EYA4: variants seen among roughly 807,000 people sequenced by gnomAD.
The protein encoded by EYA4 is EYA transcriptional coactivator and phosphatase 4, also known as protein phosphatase EYA4.
In EYA4, 31 loss-of-function variants were observed where a neutral mutation model predicts 87.9. The ratio of observed to expected loss-of-function variants is 0.35; its 90% CI spans 0.27 to 0.48. The LOEUF is 0.48. EYA4 is among the 20% of genes least tolerant of loss of function. The pLI is 0.99. For missense variants in EYA4, 678 were observed against 761.4 expected, an observed-to-expected ratio of 0.89 and a Z score of 1.29; for synonymous variants, 263 against 270.6, an observed-to-expected ratio of 0.97 and a Z score of 0.28.
chr6:133,493,238 TA>T (rs1326506128), intron 13 of EYA4, among the ~76,000 whole-genome samples: 2 of 152,098 alleles, frequency 1.3e-5, no homozygotes, highest in Non-Finnish European at 2.9e-5. Flanking sequence ...GGTACTGTCA[TA>T]AAAACAGACA....
At chr6:133,481,890 A>G (rs1343973964) in intron 12 of EYA4, among the ~76,000 whole-genome samples, 1 of 152,218 alleles carries the variant, frequency 6.6e-6, no homozygotes, top group Non-Finnish European at 1.5e-5. Context: ...TTTTAAAACT[A>G]TAGCCATTGT....
In EYA4 at chr6:133,299,572, T is replaced by C. The variant is rs536077201; in HGVS notation, c.33+24759T>C. On this transcript the variant is annotated intron_variant, in intron 2 of 19. Transcript: ENST00000355286. ...TAAAAATACACAAAAATTAGCCAGG[T>C]GTAGTGGCGGGCGCCTGTGGTCCCA... Among the ~76,000 whole-genome samples the C allele has an allele frequency of 3.2e-3, 481 of 151,564 alleles. 2 individuals are homozygous for C. Among genetic ancestry groups the C allele is most frequent in the African/African-American group, 9.4e-3 (388 of 41,280 alleles).
At chr6:133,343,269 G>T (rs1174877453) in intron 2 of EYA4, among the ~76,000 whole-genome samples, 3 of 152,140 alleles carry the variant, frequency 2.0e-5, no homozygotes, top group Non-Finnish European at 4.4e-5. Flanking sequence ...CTCCTCAACT[G>T]TATTTACCAG....
At chr6:133,424,840 C>T (rs1406974869) in intron 3 of EYA4, among the ~76,000 whole-genome samples, 1 of 150,796 alleles carries the variant, frequency 6.6e-6, no homozygotes, top group East Asian at 2.0e-4. Context: ...CCAGGGAGCT[C>T]CCGCCCACTC....
At chr6:133,456,753 C>A in intron 6 of EYA4, 105 bp downstream of exon 6, 1 of 730,284 alleles carries the variant, frequency 1.4e-6, no homozygotes. Flanking sequence ...GAACTTTGAT[C>A]CTTATAAAGT....
chr6:133,349,972 T>A (rs1052072716), intron 2 of EYA4, among the ~76,000 whole-genome samples: 1 of 152,152 alleles, frequency 6.6e-6, no homozygotes, highest in East Asian at 1.9e-4. Flanking sequence ...TGGTTTAAAA[T>A]GTCGTCAGAA....
chr6:133,294,062 T>TATATATATATATATATAAAAAA (rs71003632), intron 2 of EYA4, among the ~76,000 whole-genome samples: 5 of 105,160 alleles, frequency 4.8e-5, no homozygotes, highest in Non-Finnish European at 8.3e-5. Flanking sequence ...TATATATATA[T>TATATATATATATATATAAAAAA]AATTCTATTC....
chr6:133,350,301 G>A (rs1049973819), intron 2 of EYA4, among the ~76,000 whole-genome samples: 1 of 152,136 alleles, frequency 6.6e-6, no homozygotes, highest in Non-Finnish European at 1.5e-5. Flanking sequence ...AGAGAAAGGT[G>A]ACAGATAATG....
intron 19 of EYA4, among the ~76,000 whole-genome samples, chr6:133,526,258 A>C (rs1192806936): frequency 1.3e-5 from 2 of 152,208 alleles, no homozygotes; most frequent in African/African-American, 4.8e-5. Context: ...TAGTATTTTT[A>C]AAACAATGAC....
At chr6:133,333,954 C>T (rs1431691667) in intron 2 of EYA4, among the ~76,000 whole-genome samples, 1 of 152,050 alleles carries the variant, frequency 6.6e-6, no homozygotes, top group Non-Finnish European at 1.5e-5. Flanking sequence ...TCTATGTATA[C>T]TAAGGAAATC....
At chr6:133,478,618 A>G (rs1401815526) in intron 11 of EYA4, among the ~76,000 whole-genome samples, 26 of 152,218 alleles carry the variant, frequency 1.7e-4, no homozygotes, top group Admixed American at 1.7e-3. Flanking sequence ...GAATAAATGT[A>G]GAGTTACCCT....
At chr6:133,420,480 C>T (rs201384894) in intron 3 of EYA4, among the ~76,000 whole-genome samples, 1 of 152,208 alleles carries the variant, frequency 6.6e-6, no homozygotes, top group East Asian at 1.9e-4. Flanking sequence ...TGGTTTCATA[C>T]ATGAAAGCCT....
intron 3 of EYA4, among the ~76,000 whole-genome samples, chr6:133,439,842 T>C (rs955417550): frequency 3.1e-4 from 47 of 152,198 alleles, no homozygotes; most frequent in Non-Finnish European, 5.7e-4. Flanking sequence ...AAAGAGTATC[T>C]GGTGTGGCCC....
In EYA4 at chr6:133,348,261, G is replaced by GTTT. The variant is rs35905853; in HGVS notation, c.34-34104_34-34102dup. On this transcript the variant is annotated intron_variant, in intron 2 of 19. Coordinates refer to ENST00000355286, the MANE Select transcript of EYA4 (RefSeq NM_004100.5). ...ATCTTCCTCCTCATCTCTTCAAGTA[G>GTTT]TTTTTTTTTTTTTTTTTTTTTTTTT... Among the ~76,000 whole-genome samples, 34 of 68,782 alleles carry GTTT rather than the reference G, an allele frequency of 4.9e-4. 5 individuals carry two copies. Among genetic ancestry groups the GTTT allele is most frequent in the Middle Eastern group, 0.01 (1 of 96 alleles). The allele number at this position is 68,782 out of a possible 152,430, so 45.1% of individuals were successfully genotyped here. A position where few individuals can be genotyped will look rare whatever the true frequency, so the allele number is the denominator to read the frequency against.
intron 3 of EYA4, among the ~76,000 whole-genome samples, chr6:133,441,542 T>C (rs1792294511): frequency 6.6e-6 from 1 of 152,218 alleles, no homozygotes; most frequent in Non-Finnish European, 1.5e-5. Flanking sequence ...TTCTTACCCC[T>C]GAGGCACATA....
intron 2 of EYA4, among the ~76,000 whole-genome samples, chr6:133,311,362 G>C (rs1780201993): frequency 6.6e-6 from 1 of 151,978 alleles, no homozygotes; most frequent in African/African-American, 2.4e-5. Context: ...GTCTCATGCT[G>C]TTGCCCAGGC....
chr6:133,285,046 G>T (rs1338158160), intron 2 of EYA4, among the ~76,000 whole-genome samples: 1 of 151,838 alleles, frequency 6.6e-6, no homozygotes, highest in Non-Finnish European at 1.5e-5. Context: ...CCCCAAGCTG[G>T]AGTGCAGTGG....
In EYA4 at chr6:133,378,926, G is replaced by GGTGTGTGTGTGTGT. The variant is rs10681162; in HGVS notation, c.34-3443_34-3430dup. Reference sequence around the variant, plus strand: ...TTACGCTATTCATCCTTTCTGTCTTGGTGTGTGTGTGTGTGTGTGTGTGTG... The same window carrying GGTGTGTGTGTGTGT: ...TTACGCTATTCATCCTTTCTGTCTTGGTGTGTGTGTGTGTGTGTGTGTGTGTGTGTGTGTGTGTG... On this transcript the variant is annotated intron_variant, in intron 2 of 19. Coordinates refer to ENST00000355286, the MANE Select transcript of EYA4 (RefSeq NM_004100.5). Among the ~76,000 whole-genome samples, 263 of 141,812 alleles carry GGTGTGTGTGTGTGT rather than the reference G, an allele frequency of 1.9e-3. 1 individual carries two copies. Among genetic ancestry groups the GGTGTGTGTGTGTGT allele is most frequent in the African/African-American group, 6.2e-3 (234 of 37,698 alleles). The allele number at this position is 141,812 out of a possible 152,430, so 93.0% of individuals were successfully genotyped here.
At chr6:133,331,131 A>G (rs1781925741) in intron 2 of EYA4, among the ~76,000 whole-genome samples, 1 of 148,584 alleles carries the variant, frequency 6.7e-6, no homozygotes, top group East Asian at 2.0e-4. Context: ...TTTTTAATTC[A>G]AAGACCCCAT....
Sources: gnomAD v4.1 joint callset for allele counts (sites outside exome capture counted in the v4.1 genomes callset) on GRCh38, gnomAD v4.1.1 for gene constraint, MANE v1.5 for transcripts, NCBI Gene and HGNC (gene_info 2026-07-23, HGNC 2026-07-21) for gene names.